Variants in ZNF121 observed in about 807,000 individuals in gnomAD.
ZNF121 encodes the protein zinc finger protein 121 (clone ZHC32).
Under a neutral mutation model 2.4 loss-of-function variants are expected in ZNF121, and 1 was observed. The ratio of observed to expected loss-of-function variants is 0.41; its 90% CI spans 0.15 to 1.94. The LOEUF (loss-of-function observed/expected upper bound fraction) is 1.94. Ranked by LOEUF, ZNF121 falls within the 30% of genes most tolerant of loss-of-function variation. The probability of loss-of-function intolerance (pLI) is 0.30; values close to 1 mark genes in which losing one functional copy is unlikely to be tolerated. For synonymous variants in ZNF121, 173 were observed against 158.6 expected (o/e 1.09, Z -0.68); for missense variants, 369 against 466.3 (o/e 0.79, Z 1.92).
Position 9,568,076 on chromosome 19 carries a change from TAAG to T in ZNF121, c.3+16_3+18del. 1.3e-6 allele frequency: 2 copies of T among 1,543,760 alleles called. No homozygotes were observed. The highest frequency in any genetic ancestry group is 8.8e-7 in the Non-Finnish European group (1 of 1,135,628). On this transcript the variant is annotated intron_variant, in intron 3 of 3. Coordinates refer to ENST00000320451, the MANE Select transcript of ZNF121 (RefSeq NM_001008727.5). Reference sequence around the variant, plus strand: ...CCAATCTTTTTTTGAGTGTGGTAAATAAGAAATCTTAATCTTACCATTTGTATG... The same window carrying T: ...CCAATCTTTTTTTGAGTGTGGTAAATAAATCTTAATCTTACCATTTGTATG...
chr19:9,574,279 G>C (rs989713563), intron 1 of ZNF121, among the ~76,000 whole-genome samples: 3 of 151,934 alleles, frequency 2.0e-5, no homozygotes, highest in Non-Finnish European at 4.4e-5. Flanking sequence ...CCTAGTACCT[G>C]GGATTACAGG....
In ZNF121 at chr19:9,566,654, A is replaced by C; in HGVS notation, c.459T>G (p.Phe153Leu). The change falls in exon 4 of 4, where the codon TTT (phenylalanine) becomes TTG (leucine). Residue 153 changes from phenylalanine to leucine, a missense_variant. Physicochemically the swap from Phe to Leu is conservative, Grantham distance 22. Coordinates refer to ENST00000320451, the MANE Select transcript of ZNF121 (RefSeq NM_001008727.5). ...PYECKECGKF[F>L]RYSSYLNSHM... The stretch of plus-strand genomic sequence containing the variant: ...GACTATTAAGATATGAAGAATATCT[A>C]AAGAATTTTCCACATTCCTTACATT... 1 of 1,614,190 alleles carries C rather than the reference A, an allele frequency of 6.2e-7. No individual in the cohort carries two copies. The highest frequency in any genetic ancestry group is 8.5e-7 in the Non-Finnish European group (1 of 1,180,012).
chr19:9,577,340 C>T (rs759389538), intron 1 of ZNF121, among the ~76,000 whole-genome samples: 4 of 151,948 alleles, frequency 2.6e-5, no homozygotes, highest in Non-Finnish European at 5.9e-5. Flanking sequence ...GTCCCTGCTA[C>T]TAAGGAGGCT....
At chr19:9,583,579 C>T (rs1006617813) in intron 1 of ZNF121, among the ~76,000 whole-genome samples, 4 of 147,882 alleles carry the variant, frequency 2.7e-5, no homozygotes, top group Non-Finnish European at 4.4e-5. Context: ...TCTCGGCTCA[C>T]TGCAAGCTCC....
intron 1 of ZNF121, among the ~76,000 whole-genome samples, chr19:9,580,093 C>T (rs2074238374): frequency 6.6e-6 from 1 of 151,936 alleles, no homozygotes; most frequent in Non-Finnish European, 1.5e-5. Flanking sequence ...GAGATTGAGA[C>T]CATCCTGGCT....
In ZNF121 at chr19:9,561,541, C is replaced by T. The variant is rs2074100799; in HGVS notation, c.*4399G>A. 1 of 152,120 alleles carries T rather than the reference C, an allele frequency of 6.6e-6. No homozygotes were observed. Among genetic ancestry groups the T allele is most frequent in the Non-Finnish European group, 1.5e-5 (1 of 68,036 alleles). 9.4% of individuals were successfully genotyped at this position (152,120 alleles called of 1,614,324 possible). A position where few individuals can be genotyped will look rare whatever the true frequency, so the allele number is the denominator to read the frequency against. ...GGTAAATAAATGAATAAGGATAACT[C>T]TTCCTTACAAAATTCCAGTTAAGAA... On this transcript the variant is annotated 3_prime_UTR_variant, in exon 4 of 4. Coordinates refer to ENST00000320451, the MANE Select transcript of ZNF121 (RefSeq NM_001008727.5).
chr19:9,572,977 G>T (rs8110178), intron 1 of ZNF121, among the ~76,000 whole-genome samples: 26,224 of 152,022 alleles, frequency 0.17, 3,600 homozygotes, highest in African/African-American at 0.38. Context: ...GTCACACCAC[G>T]GCACTGCAAC....
intron 1 of ZNF121, among the ~76,000 whole-genome samples, chr19:9,570,449 A>G (rs1179714730): frequency 6.6e-6 from 1 of 152,088 alleles, no homozygotes; most frequent in East Asian, 1.9e-4. Flanking sequence ...AAAGGTTATT[A>G]AGAGAGTAGT....
chr19:9,567,868 T>C (rs1001791405), intron 3 of ZNF121: 5 of 428,078 alleles, frequency 1.2e-5, no homozygotes, highest in African/African-American at 5.9e-5. Context: ...CGATGGGGAA[T>C]GGCTATACAC....
At chr19:9,578,001 G>A (rs967232208) in intron 1 of ZNF121, among the ~76,000 whole-genome samples, 1 of 150,516 alleles carries the variant, frequency 6.6e-6, no homozygotes, top group African/African-American at 2.4e-5. Context: ...GACCATCCCG[G>A]CTAACATGGT....
chr19:9,581,269 G>C (rs2074246566), intron 1 of ZNF121, among the ~76,000 whole-genome samples: 1 of 152,168 alleles, frequency 6.6e-6, no homozygotes, highest in Non-Finnish European at 1.5e-5. Flanking sequence ...CCTGAACAAA[G>C]GGGCATGAGA....
In ZNF121 at chr19:9,562,483, T is replaced by C; in HGVS notation, c.*3457A>G. On this transcript the variant is annotated 3_prime_UTR_variant, in exon 4 of 4. Coordinates refer to ENST00000320451, the MANE Select transcript of ZNF121 (RefSeq NM_001008727.5). ...CCGGCTGCTCTGTGATCTTTGATGT[T>C]CCTATTTTAATTGTTTTGGGGTACC... is the stretch of plus-strand genomic sequence containing the variant. 4.7e-6 allele frequency: 1 copy of C among 214,402 alleles called. No individual in the cohort carries two copies. Among genetic ancestry groups the C allele is most frequent in the South Asian group, 4.5e-5 (1 of 22,044 alleles). 13.3% of individuals were successfully genotyped at this position (214,402 alleles called of 1,614,324 possible). A position where few individuals can be genotyped will look rare whatever the true frequency, so the allele number is the denominator to read the frequency against.
rs2144799497 is a variant in ZNF121, at chr19:9,562,489, TTTAA to T, written c.*3447_*3450del. ...GCTCTGTGATCTTTGATGTTCCTAT[TTTAA>T]TTGTTTTGGGGTACCACAAACCACA... On this transcript the variant is annotated 3_prime_UTR_variant, in exon 4 of 4. Coordinates refer to ENST00000320451, the MANE Select transcript of ZNF121 (RefSeq NM_001008727.5). 4.8e-6 allele frequency: 1 copy of T among 208,632 alleles called. No homozygotes were observed. The highest frequency in any genetic ancestry group is 2.3e-5 in the African/African-American group (1 of 42,646). 12.9% of individuals were successfully genotyped at this position (208,632 alleles called of 1,614,324 possible).
At chr19:9,574,575 G>A (rs1204824821) in intron 1 of ZNF121, among the ~76,000 whole-genome samples, 3 of 152,228 alleles carry the variant, frequency 2.0e-5, no homozygotes, top group Admixed American at 2.0e-4. Context: ...CCCTACTGCT[G>A]TGTCCAGTTT....
At position 9,568,022 on chromosome 19, in the gene ZNF121, CATTTTT is replaced by C; in HGVS notation, c.3+67_3+72del. 5 of 1,466,738 alleles carry C rather than the reference CATTTTT, an allele frequency of 3.4e-6. No homozygotes were observed. In the South Asian group the frequency reaches 6.5e-5, roughly 19 times the overall value. 90.9% of individuals were successfully genotyped at this position (1,466,738 alleles called of 1,614,324 possible). ...AATGTTACCTCTCTCAAATATCTCT[CATTTTT>C]GCTGATTTTTTATAATTGAATCCCA... On this transcript the variant is annotated intron_variant, in intron 3 of 3. Coordinates refer to ENST00000320451, the MANE Select transcript of ZNF121 (RefSeq NM_001008727.5).
At chr19:9,573,270 T>C (rs1268164291) in intron 1 of ZNF121, among the ~76,000 whole-genome samples, 9 of 152,030 alleles carry the variant, frequency 5.9e-5, no homozygotes, top group Admixed American at 5.9e-4. Flanking sequence ...ATCTCCAAAA[T>C]AACACAGAAG....
chr19:9,567,199 T>C, intron 3 of ZNF121, 90 bp from the exon 4 acceptor site: 1 of 1,263,096 alleles, frequency 7.9e-7, no homozygotes, highest in East Asian at 2.5e-5. Context: ...TTATTATGAT[T>C]ATAATTTTTG....
At chr19:9,573,800 G>A (rs1311590938) in intron 1 of ZNF121, among the ~76,000 whole-genome samples, 1 of 152,164 alleles carries the variant, frequency 6.6e-6, no homozygotes, top group East Asian at 1.9e-4. Flanking sequence ...TCTGGCAACA[G>A]GATTTCTCAA....
At chr19:9,583,489 CTTTTT>C (rs1185311747) in intron 1 of ZNF121, among the ~76,000 whole-genome samples, 6 of 56,398 alleles carry the variant, frequency 1.1e-4, no homozygotes, top group African/African-American at 6.3e-4. Context: ...CCAAGCCTGG[CTTTTT>C]TTTTTTTTTT....
Sources: allele counts gnomAD v4.1 joint callset (sites outside exome capture counted in the v4.1 genomes callset), GRCh38; gene constraint gnomAD v4.1.1; transcripts MANE v1.5; gene names NCBI Gene and HGNC (gene_info 2026-07-23, HGNC 2026-07-21).